The following PIEZO1 variants were observed in gnomAD, a reference collection of about 807,000 sequenced individuals.
PIEZO1 encodes the protein piezo-type mechanosensitive ion channel component 1.
A neutral mutation model predicts 297.2 loss-of-function variants in PIEZO1; 296 were observed. The ratio of observed to expected loss-of-function variants is 1.00; its 90% CI spans 0.91 to 1.10. The LOEUF (loss-of-function observed/expected upper bound fraction) is 1.10, where lower values mean the gene tolerates loss of function less well. Ranked by LOEUF, PIEZO1 falls within the 50% of genes least tolerant of loss-of-function variation. The pLI, the probability that PIEZO1 is intolerant of heterozygous loss-of-function variation, is 0.00. For synonymous variants in PIEZO1, 2,427 were observed against 1,507.5 expected (o/e 1.61, Z -14.13); for missense variants, 5,018 against 3,455.5 (o/e 1.45, Z -11.34).
rs1461116824 is a variant in PIEZO1, at chr16:88,722,270, C to T, written c.4903G>A (p.Ala1635Thr). Residue 1635 changes from alanine (A) to threonine (T), a missense_variant, in exon 36 of 51, where the codon GCC becomes ACC. Coordinates refer to ENST00000301015, the MANE Select transcript of PIEZO1 (RefSeq NM_001142864.4). ...VTDPGEREAGASLYQGLMRTA... is the reference protein window; with the variant it reads ...VTDPGEREAGTSLYQGLMRTA... ...CGCATCAGTCCCTGGTACAGAGAGG[C>T]ACCAGCCTCACGCTCCCCGGGGTCG... is the stretch of plus-strand genomic sequence containing the variant. The T allele has an allele frequency of 3.9e-6, 6 of 1,548,322 alleles. No individual in the cohort carries two copies. The South Asian group carries it at 4.8e-5, about 12-fold the overall frequency.
In PIEZO1 at chr16:88,723,101, C is replaced by A. The variant is rs1285585256; in HGVS notation, c.4489G>T (p.Ala1497Ser). 1 of 1,548,182 alleles carries A rather than the reference C, an allele frequency of 6.5e-7. No individual in the cohort carries two copies. Among genetic ancestry groups the A allele is most frequent in the Admixed American group, 2.0e-5 (1 of 51,002 alleles). ...VEPAEGPEEA[A>S]AGRSHVVQRV... ...CAGCCCCGGGCCCACGTACCTGCCG[C>A]TGCCTCCTCGGGGCCCTCTGCTGGC... The change falls in exon 33 of 51, where the codon GCG (alanine) becomes TCG (serine). Residue 1497 changes from alanine (A) to serine (S), a missense_variant. Transcript: ENST00000301015.
intron 21 of PIEZO1, 113 bp downstream of exon 21, chr16:88,732,222 G>A: frequency 2.2e-6 from 2 of 897,702 alleles, no homozygotes; most frequent in Non-Finnish European, 1.7e-6. Context: ...CCCACCCTCT[G>A]TGGCCCAGGC....
rs548041609 is a variant in PIEZO1 at position 88,720,188 on chromosome 16, C to T, written c.6045G>A (p.Met2015Ile). Residue 2015 changes from methionine (M) to isoleucine (I), a missense_variant, in exon 42 of 51, where the codon ATG (methionine) becomes ATA (isoleucine). Met to Ile is a conservative substitution (Grantham distance 10). Coordinates refer to ENST00000301015, the MANE Select transcript of PIEZO1 (RefSeq NM_001142864.4). ...LVMLLIQFST[M>I]VVDRALYLRK... Reference sequence around the variant, plus strand: ...GCAGGTAGAGGGCGCGGTCAACCACCATGGTACTGAACTGGATCAGCAGCA... The same window carrying T: ...GCAGGTAGAGGGCGCGGTCAACCACTATGGTACTGAACTGGATCAGCAGCA... 10 of 1,550,552 alleles carry T rather than the reference C, an allele frequency of 6.4e-6. No homozygotes were observed. In the South Asian group the frequency reaches 8.3e-5, roughly 13 times the overall value.
chr16:88,737,787 C>T lies in PIEZO1; in HGVS notation c.1048G>A (p.Ala350Thr). The T allele has an allele frequency of 6.5e-7, 1 of 1,535,818 alleles. No homozygotes were observed. Among genetic ancestry groups the T allele is most frequent in the Non-Finnish European group, 8.7e-7 (1 of 1,146,742 alleles). The change falls in exon 9 of 51, where the codon GCT becomes ACT. Residue 350 changes from alanine (A) to threonine (T), a missense_variant. Ala to Thr is a moderately conservative substitution (Grantham distance 58, BLOSUM62 0). Transcript: ENST00000301015. ...AGCTCTGCTAGCTCCAGCTCCCGAG[C>T]CTCATACCCCTTTGCCGCCTCCTTC... ...QRKEAAKGYE[A>T]RELELAELDQ...
chr16:88,722,792 T>C (rs1904290421), intron 34 of PIEZO1, 45 bp downstream of exon 34: 2 of 1,534,190 alleles, frequency 1.3e-6, no homozygotes, highest in Non-Finnish European at 1.8e-6. Flanking sequence ...GGCAGGGGCG[T>C]AGTCAGGCAG....
chr16:88,767,516 G>A (rs1238213090), intron 1 of PIEZO1, among the ~76,000 whole-genome samples: 3 of 152,248 alleles, frequency 2.0e-5, no homozygotes, highest in South Asian at 2.1e-4. Context: ...GGTGGAAGCC[G>A]CCAGCTTCCC....
intron 44 of PIEZO1, chr16:88,719,266 A>ATTCGT: frequency 3.0e-6 from 1 of 336,160 alleles, no homozygotes; most frequent in Non-Finnish European, 5.6e-6. Flanking sequence ...TCTCTGAGAA[A>ATTCGT]GGCCATTAAA....
At chr16:88,724,052 G>A (rs968896698) in intron 30 of PIEZO1, 81 bp from the exon 31 acceptor site, 7 of 815,360 alleles carry the variant, frequency 8.6e-6, no homozygotes, top group African/African-American at 8.5e-5. Context: ...ATGGGCCAAG[G>A]CCCGAGAGCC....
chr16:88,720,787 G>A (rs1178070536), intron 39 of PIEZO1, 39 bp from the exon 40 acceptor site: 2 of 1,452,564 alleles, frequency 1.4e-6, no homozygotes, highest in Admixed American at 2.8e-5. Flanking sequence ...GCCCCCTGGG[G>A]ACTGGGCCTG....
chr16:88,779,236 G>A (rs1907815364), intron 1 of PIEZO1, among the ~76,000 whole-genome samples: 1 of 152,122 alleles, frequency 6.6e-6, no homozygotes, highest in African/African-American at 2.4e-5. Flanking sequence ...ATGGAGTTTT[G>A]CCATGTTGGT....
At chr16:88,754,804 C>CGGCCCACACGGGTGGGTGACCCGG (rs1567685975) in intron 1 of PIEZO1, among the ~76,000 whole-genome samples, 2 of 152,212 alleles carry the variant, frequency 1.3e-5, no homozygotes, top group African/African-American at 4.8e-5. Flanking sequence ...AGAAAGACTG[C>CGGCCCACACGGGTGGGTGACCCGG]GGCCCACACG....
At chr16:88,766,366 C>G (rs1183073380) in intron 1 of PIEZO1, among the ~76,000 whole-genome samples, 1 of 152,144 alleles carries the variant, frequency 6.6e-6, no homozygotes. Flanking sequence ...AGCCAGCGCG[C>G]CCTGCGAACT....
intron 1 of PIEZO1, among the ~76,000 whole-genome samples, chr16:88,769,498 A>T (rs1190487960): frequency 6.6e-6 from 1 of 152,224 alleles, no homozygotes; most frequent in African/African-American, 2.4e-5. Context: ...ATATGAAGAC[A>T]GACCTGCGGA....
chr16:88,719,581 GTC>G lies in PIEZO1; in HGVS notation c.6462_6463del (p.Glu2154AspfsTer66). 6.4e-7 allele frequency: 1 copy of G among 1,550,692 alleles called. No individual in the cohort carries two copies. Among genetic ancestry groups the G allele is most frequent in the Non-Finnish European group, 8.7e-7 (1 of 1,147,006 alleles). Reference sequence around the variant, plus strand: ...CGCCCTGGGCCCAGGCACCTTCTCTGTCTCTCGGCTGCATTTGATGATGAAGA... The same window carrying G: ...CGCCCTGGGCCCAGGCACCTTCTCTGTCTCGGCTGCATTTGATGATGAAGA... On this transcript the variant is annotated frameshift_variant, in exon 44 of 51. Transcript: ENST00000301015. LOFTEE classifies it high-confidence loss of function.
At position 88,734,372 on chromosome 16, in the gene PIEZO1, G is replaced by A. The variant is rs1222441148; in HGVS notation, c.2164C>T (p.Pro722Ser). The change falls in exon 16 of 51, where the codon CCG (proline) becomes TCG (serine). Residue 722 changes from proline to serine, a missense_variant. Transcript: ENST00000301015. The part of the protein sequence containing the change: ...EHVSLPGTRL[P>S]RWAHRQDAVS... ...GGGCCGCACCTGTGAGCCCAGCGCG[G>A]GAGGCGCGTGCCAGGCAGGGACACG... 7.8e-6 allele frequency: 12 copies of A among 1,540,882 alleles called. No individual in the cohort carries two copies. The highest frequency in any genetic ancestry group is 1.4e-5 in the African/African-American group (1 of 72,944).
At chr16:88,756,312 C>T (rs1314750719) in intron 1 of PIEZO1, among the ~76,000 whole-genome samples, 2 of 152,212 alleles carry the variant, frequency 1.3e-5, no homozygotes, top group Non-Finnish European at 2.9e-5. Context: ...AGAGGCCCCT[C>T]CACAACCTGG....
intron 2 of PIEZO1, chr16:88,743,812 G>A (rs1216564075): frequency 2.7e-6 from 1 of 376,538 alleles, no homozygotes; most frequent in Admixed American, 3.1e-5. Flanking sequence ...CACCTTCCTA[G>A]GGTTGCCCCA....
At position 88,771,456 on chromosome 16, in the gene PIEZO1, C is replaced by T. The variant is rs951876028; in HGVS notation, c.64+13445G>A. On this transcript the variant is annotated intron_variant, in intron 1 of 50. Coordinates refer to ENST00000301015, the MANE Select transcript of PIEZO1 (RefSeq NM_001142864.4). ...CTTGCCCTGCAGGCCCCAAGCCCAG[C>T]AGGCAGGGTAAGGAGCACACAGCTT... 2.6e-5 allele frequency among the ~76,000 whole-genome samples: 4 copies of T among 152,234 alleles called. No individual in the cohort carries two copies. In the South Asian group the frequency reaches 8.3e-4, roughly 32 times the overall value.
In PIEZO1 at chr16:88,725,024, G is replaced by A. The variant is rs760288139; in HGVS notation, c.4219C>T (p.Leu1407=). 1 of 1,494,872 alleles carries A rather than the reference G, an allele frequency of 6.7e-7. No individual in the cohort carries two copies. Among genetic ancestry groups the A allele is most frequent in the Non-Finnish European group, 8.9e-7 (1 of 1,123,734 alleles). The allele number at this position is 1,494,872 out of a possible 1,614,324, so 92.6% of individuals were successfully genotyped here. The change falls in exon 30 of 51, where the codon CTG becomes TTG. Residue 1407 remains leucine, a synonymous_variant. Transcript: ENST00000301015. The part of the protein sequence containing the change: ...PPRRQWWRPW[L]DHATVIHSGD... ...TTGGGGGTACCTGTGGCGTGGTCCA[G>A]CCAGGGCCGCCACCACTGCCTCCGT...
Sources: gnomAD v4.1 joint callset for allele counts (sites outside exome capture counted in the v4.1 genomes callset) on GRCh38, gnomAD v4.1.1 for gene constraint, MANE v1.5 for transcripts, NCBI Gene and HGNC (gene_info 2026-07-23, HGNC 2026-07-21) for gene names.